The following ZKSCAN7 variants were observed in gnomAD, a reference collection of about 807,000 sequenced individuals.
ZKSCAN7 encodes zinc finger with KRAB and SCAN domains 7, also known as zinc finger protein with KRAB and SCAN domains 7.
ZKSCAN7 carries 38 observed loss-of-function variants against 65.3 expected under a neutral mutation model. That is an observed-to-expected ratio of 0.58 (90% CI 0.45 to 0.76). The LOEUF is 0.76. Ranked by LOEUF, ZKSCAN7 falls within the 30% of genes least tolerant of loss-of-function variation. The pLI is 0.00. For missense variants in ZKSCAN7, 815 were observed against 913.3 expected, an observed-to-expected ratio of 0.89 and a Z score of 1.39; for synonymous variants, 321 against 321.0, an observed-to-expected ratio of 1.00 and a Z score of 0.00.
chr3:44,563,643 T>C (rs1191732140), intron 2 of ZKSCAN7, among the ~76,000 whole-genome samples: 1 of 68,224 alleles, frequency 1.5e-5, no homozygotes, highest in Non-Finnish European at 2.8e-5. Flanking sequence ...GGGGGAAATC[T>C]TCCCCCCCTA....
At chr3:44,562,398 G>T (rs1322482614) in intron 2 of ZKSCAN7, among the ~76,000 whole-genome samples, 1 of 152,230 alleles carries the variant, frequency 6.6e-6, no homozygotes, top group South Asian at 2.1e-4. Flanking sequence ...ATGAGAGGGG[G>T]CTGCTGTGAA....
chr3:44,565,850 G>A (rs975634048), intron 3 of ZKSCAN7, among the ~76,000 whole-genome samples, 195 bp downstream of exon 3: 5 of 152,092 alleles, frequency 3.3e-5, no homozygotes, highest in African/African-American at 4.8e-5. Context: ...TTTCATCAAG[G>A]GCATGTCGTA....
At chr3:44,574,618 G>A (rs1699887642), downstream of ZKSCAN7, among the ~76,000 whole-genome samples, 1 of 152,174 alleles carries the variant, frequency 6.6e-6, no homozygotes, top group Non-Finnish European at 1.5e-5. Context: ...GAGGAAGCAG[G>A]GTAATATAGT....
downstream of ZKSCAN7, among the ~76,000 whole-genome samples, chr3:44,576,757 C>T (rs570290520): frequency 1.3e-5 from 2 of 152,282 alleles, no homozygotes; most frequent in African/African-American, 4.8e-5. Flanking sequence ...AGTAGAGAAG[C>T]AGCTTCAATT....
Position 44,579,428 on chromosome 3 carries a change from C to T in ZKSCAN7, c.812-3544C>T, listed in dbSNP as rs375137593. Among the ~76,000 whole-genome samples, 158 of 152,324 alleles carry T rather than the reference C, an allele frequency of 1.0e-3. 2 individuals carry two copies. Among genetic ancestry groups the T allele is most frequent in the Non-Finnish European group, 1.2e-3 (81 of 68,018 alleles). ...GTCAAAGGTCTTGGAGAGGCCCTCT[C>T]GCCTCCGCTCCCACGTGCGGCTCCT... On this transcript the variant is annotated intron_variant, in intron 5 of 5. Transcript: ENST00000341840.
Position 44,567,986 on chromosome 3 carries a change from C to T in ZKSCAN7, c.667C>T (p.Arg223Trp), listed in dbSNP as rs1268766088. Residue 223 changes from arginine to tryptophan, a missense_variant, in exon 4 of 6, where the codon CGG becomes TGG. Transcript: ENST00000426540. ...AGACCAAGCAGGGGCAACTGTACTT[C>T]GGATGGTCAGGCCCCAGGTGAGCTT... ...SGDQAGATVL[R>W]MVRPQDTVAY... The T allele has an allele frequency of 1.6e-5, 23 of 1,449,436 alleles. No individual in the cohort carries two copies. Among genetic ancestry groups the T allele is most frequent in the Non-Finnish European group, 1.9e-5 (20 of 1,064,140 alleles). 89.8% of individuals were successfully genotyped at this position (1,449,436 alleles called of 1,614,324 possible).
At chr3:44,569,129 G>T (rs1054778690) in intron 5 of ZKSCAN7, among the ~76,000 whole-genome samples, 1 of 152,138 alleles carries the variant, frequency 6.6e-6, no homozygotes, top group South Asian at 2.1e-4. Flanking sequence ...TCTCATTTGG[G>T]CACAGGGGTT....
At chr3:44,579,663 C>A (rs1559434283) in intron 5 of ZKSCAN7, among the ~76,000 whole-genome samples, 1 of 152,178 alleles carries the variant, frequency 6.6e-6, no homozygotes, top group Admixed American at 6.5e-5. Flanking sequence ...AACTCGCCCT[C>A]CTTTGTATGT....
At chr3:44,558,759 G>T in intron 2 of ZKSCAN7, among the ~76,000 whole-genome samples, 9 of 127,668 alleles carry the variant, frequency 7.0e-5, no homozygotes, top group African/African-American at 8.9e-5. Flanking sequence ...TTTCTTCCTC[G>T]TCTGCTTTCT....
At chr3:44,580,235 G>T (rs1700037532) in intron 5 of ZKSCAN7, 1 of 1,613,002 alleles carries the variant, frequency 6.2e-7, no homozygotes, top group Middle Eastern at 1.7e-4. Context: ...CCAGAGAGAA[G>T]TAGCTGCTCT....
At position 44,571,477 on chromosome 3, in the gene ZKSCAN7, C is replaced by A. The variant is rs1699808517; in HGVS notation, c.*102C>A. On this transcript the variant is annotated 3_prime_UTR_variant, in exon 6 of 6. Coordinates refer to ENST00000426540, the MANE Select transcript of ZKSCAN7 (RefSeq NM_001288590.2). ...CCCGGAGCCAGTAGTCACGGTGGAC[C>A]ATTCCCTACTTGCTTTTCCTTGGAT... 1.9e-6 allele frequency: 3 copies of A among 1,592,994 alleles called. No homozygotes were observed. The highest frequency in any genetic ancestry group is 1.3e-5 in the African/African-American group (1 of 74,668).
At chr3:44,561,069 G>C (rs921954781) in intron 2 of ZKSCAN7, among the ~76,000 whole-genome samples, 9 of 152,158 alleles carry the variant, frequency 5.9e-5, no homozygotes, top group African/African-American at 2.2e-4. Context: ...TGTCTTCAAG[G>C]AAGGGAAACC....
At chr3:44,583,334 CTT>C (rs1382001871) in exon 6 of ZKSCAN7, 1 of 157,088 alleles carries the variant, frequency 6.4e-6, no homozygotes. Flanking sequence ...TTGTGGAGGA[CTT>C]TTGTCTGAAT....
chr3:44,580,163 GGGAGGGGAGAGC>G lies in ZKSCAN7; in HGVS notation c.812-2806_812-2795del, dbSNP rs1321752510. 60 of 1,610,968 alleles carry G rather than the reference GGGAGGGGAGAGC, an allele frequency of 3.7e-5. No homozygotes were observed. In the East Asian group the frequency reaches 1.3e-3, roughly 34 times the overall value. ...TCCTGTGGTTGGGGGTGCTGGGGCT[GGGAGGGGAGAGC>G]GGCGGGGGCAGCTGCTGTTCTTCGG... On this transcript the variant is annotated intron_variant, in intron 5 of 5. Transcript: ENST00000341840.
chr3:44,562,292 G>A (rs1310849700), intron 2 of ZKSCAN7, among the ~76,000 whole-genome samples: 1 of 152,208 alleles, frequency 6.6e-6, no homozygotes, highest in Non-Finnish European at 1.5e-5. Flanking sequence ...GGAGTGGCTG[G>A]GACACAGGGG....
chr3:44,570,968 A>T lies in ZKSCAN7; in HGVS notation c.1858A>T (p.Lys620Ter), dbSNP rs1699789850. 2 of 1,614,216 alleles carry T rather than the reference A, an allele frequency of 1.2e-6. No individual in the cohort carries two copies. The highest frequency in any genetic ancestry group is 1.7e-6 in the Non-Finnish European group (2 of 1,180,042). The change falls in exon 6 of 6, where the codon AAA becomes TAA. Residue 620 changes from lysine (K) to a stop codon, truncating the protein, a stop_gained. Coordinates refer to ENST00000426540, the MANE Select transcript of ZKSCAN7 (RefSeq NM_001288590.2). LOFTEE classifies it high-confidence loss of function. ...SECGKAFGLS[K>*]CLIRHQRLHT... ...GTGTGGTAAGGCATTTGGTCTGAGT[A>T]AATGTCTTATTCGGCACCAGAGACT... is the stretch of plus-strand genomic sequence containing the variant.
Position 44,557,548 on chromosome 3 carries a change from T to G in ZKSCAN7, c.423+78T>G, listed in dbSNP as rs1012641759. On this transcript the variant is annotated intron_variant, in intron 2 of 5. Coordinates refer to ENST00000426540, the MANE Select transcript of ZKSCAN7 (RefSeq NM_001288590.2). ...AGCCTAGGAATAGGCATTCTCCACT[T>G]CCCAGGCCCTAGGCCAGTTTGCCTT... The G allele has an allele frequency of 1.6e-4, 255 of 1,589,220 alleles. 1 individual carries two copies. The South Asian group carries it at 2.8e-3, about 18-fold the overall frequency.
Position 44,557,387 on chromosome 3 carries a change from G to A in ZKSCAN7, c.340G>A (p.Val114Met). The A allele has an allele frequency of 2.5e-6, 4 of 1,614,256 alleles. No homozygotes were observed. Among genetic ancestry groups the A allele is most frequent in the African/African-American group, 1.3e-5 (1 of 75,076 alleles). Residue 114 changes from valine to methionine, a missense_variant, in exon 2 of 6, where the codon GTG becomes ATG. By Grantham distance (21) the Val-to-Met change is conservative. This residue lies in a region of ZKSCAN7 where 227 missense variants were observed against 253.3 expected (regional missense o/e 0.90). Coordinates refer to ENST00000426540, the MANE Select transcript of ZKSCAN7 (RefSeq NM_001288590.2). ...SILPGELRTW[V>M]QLHHPESGEE... ...CCTCCCTGGGGAGCTCCGGACCTGG[G>A]TGCAGCTGCATCACCCTGAGAGTGG...
At chr3:44,582,386 G>C (rs1242726471) in intron 5 of ZKSCAN7, among the ~76,000 whole-genome samples, 1 of 152,134 alleles carries the variant, frequency 6.6e-6, no homozygotes, top group Non-Finnish European at 1.5e-5. Flanking sequence ...ATGATGCCTG[G>C]TTAAGACTTG....
Sources: allele counts gnomAD v4.1 joint callset (sites outside exome capture counted in the v4.1 genomes callset), GRCh38; gene constraint gnomAD v4.1.1; regional missense constraint gnomAD v4.1.1; transcripts MANE v1.5; gene names NCBI Gene and HGNC (gene_info 2026-07-23, HGNC 2026-07-21).